Variants in MARCHF7 observed in about 807,000 individuals in gnomAD.
MARCHF7 encodes the protein E3 ubiquitin-protein ligase MARCHF7.
Under a neutral mutation model 76.5 loss-of-function variants are expected in MARCHF7, and 20 were observed. The ratio of observed to expected loss-of-function variants is 0.26; its 90% confidence interval spans 0.18 to 0.38. The LOEUF (loss-of-function observed/expected upper bound fraction) is 0.38. MARCHF7 is among the 10% of genes least tolerant of loss of function. The pLI, the probability that MARCHF7 is intolerant of heterozygous loss-of-function variation, is 1.00. For missense variants in MARCHF7, 797 were observed against 812.9 expected (o/e 0.98, Z 0.24); for synonymous variants, 295 against 293.0 (o/e 1.01, Z -0.07).
At chr2:159,747,302 G>C (rs912231809) in intron 6 of MARCHF7, among the ~76,000 whole-genome samples, 15 of 152,028 alleles carry the variant, frequency 9.9e-5, no homozygotes, top group African/African-American at 3.4e-4. Context: ...AAAATTTTTA[G>C]CTATTAGCAA....
At chr2:159,729,284 A>G (rs1441151794) in intron 4 of MARCHF7, 109 bp downstream of exon 4, 2 of 690,284 alleles carry the variant, frequency 2.9e-6, no homozygotes, top group Non-Finnish European at 4.4e-6. Flanking sequence ...GCATCCTGTA[A>G]TCAAAACCAA....
chr2:159,763,200 GAGAA>G (rs1707322074), intron 10 of MARCHF7, among the ~76,000 whole-genome samples: 1 of 152,116 alleles, frequency 6.6e-6, no homozygotes, highest in Non-Finnish European at 1.5e-5. Flanking sequence ...AGTTATTTTA[GAGAA>G]AGAAGTAATT....
rs187284884 is a variant in MARCHF7 at position 159,719,427 on chromosome 2, A to G, written c.-15+3661A>G. Among the ~76,000 whole-genome samples, 5 of 151,620 alleles carry G rather than the reference A, an allele frequency of 3.3e-5. No homozygotes were observed. In the East Asian group the frequency reaches 9.7e-4, roughly 29 times the overall value. ...ACTCCCAATCCCCTGAAAGAAAAACAGTAAAATGTTTGTTCTTCATCAGTA... is the reference window on the plus strand; with the variant it reads ...ACTCCCAATCCCCTGAAAGAAAAACGGTAAAATGTTTGTTCTTCATCAGTA... On this transcript the variant is annotated intron_variant, in intron 3 of 11. Coordinates refer to ENST00000409175, the MANE Select transcript of MARCHF7 (RefSeq NM_001282805.2).
At position 159,770,019 on chromosome 2, in the gene MARCHF7, C is replaced by T. The variant is rs917943457; in HGVS notation, c.*2677C>T. The T allele has an allele frequency of 2.0e-5, 3 of 152,140 alleles. No individual in the cohort carries two copies. Among genetic ancestry groups the T allele is most frequent in the African/African-American group, 4.8e-5 (2 of 41,426 alleles). 9.4% of individuals were successfully genotyped at this position (152,140 alleles called of 1,614,324 possible). ...GCTCATTGGACATTGTAGTTGTAGA[C>T]GTTTGAGACTGTTGGTTTTAAGTTG... On this transcript the variant is annotated 3_prime_UTR_variant, in exon 12 of 12. Transcript: ENST00000409175.
chr2:159,733,215 T>A lies in MARCHF7; in HGVS notation c.153+4040T>A, dbSNP rs964479556. The A allele has an allele frequency of 6.9e-6, 6 of 868,984 alleles. No homozygotes were observed. The African/African-American group carries it at 1.1e-4, about 16-fold the overall frequency. 53.8% of individuals were successfully genotyped at this position (868,984 alleles called of 1,614,324 possible). On this transcript the variant is annotated intron_variant, in intron 4 of 11. Transcript: ENST00000409175. ...TTAGTTTTATTTAGCATTGTTAAGA[T>A]TACTCAGTGTCAAAGGGAGCATTTT...
At chr2:159,732,066 T>C (rs1249870422) in intron 4 of MARCHF7, among the ~76,000 whole-genome samples, 1 of 151,980 alleles carries the variant, frequency 6.6e-6, no homozygotes, top group Non-Finnish European at 1.5e-5. Flanking sequence ...ATCACGCCAC[T>C]GCACTCTAGC....
intron 4 of MARCHF7, among the ~76,000 whole-genome samples, chr2:159,730,703 G>A (rs1171803621): frequency 6.6e-6 from 1 of 152,156 alleles, no homozygotes; most frequent in Non-Finnish European, 1.5e-5. Flanking sequence ...AAAGGGCACA[G>A]AATTGTGTTT....
intron 3 of MARCHF7, among the ~76,000 whole-genome samples, chr2:159,728,098 A>G (rs1056967586): frequency 6.6e-5 from 10 of 152,216 alleles, no homozygotes; most frequent in Admixed American, 1.3e-4. Flanking sequence ...CTTTGAAAAC[A>G]TTTTGAGAAA....
intron 4 of MARCHF7, among the ~76,000 whole-genome samples, chr2:159,739,608 C>T (rs1703890646): frequency 6.6e-6 from 1 of 152,128 alleles, no homozygotes; most frequent in Non-Finnish European, 1.5e-5. Context: ...AGAGATAATA[C>T]ATTGTTAAAT....
chr2:159,733,042 A>T, intron 4 of MARCHF7: 1 of 613,018 alleles, frequency 1.6e-6, no homozygotes. Context: ...ATAATTATTT[A>T]TAATTGTTAT....
At chr2:159,750,097 G>A (rs1199459995) in intron 7 of MARCHF7, among the ~76,000 whole-genome samples, 1 of 152,070 alleles carries the variant, frequency 6.6e-6, no homozygotes, top group Admixed American at 6.5e-5. Flanking sequence ...GTAGAGACAG[G>A]GTCTCGCTTT....
At chr2:159,722,018 C>T (rs1173813134) in intron 3 of MARCHF7, among the ~76,000 whole-genome samples, 1 of 152,138 alleles carries the variant, frequency 6.6e-6, no homozygotes, top group South Asian at 2.1e-4. Flanking sequence ...TTTCATTGAC[C>T]ATTGAGGAAA....
intron 11 of MARCHF7, among the ~76,000 whole-genome samples, chr2:159,766,091 CCATACTCAAATAAG>C (rs1312171718): frequency 6.6e-6 from 1 of 152,064 alleles, no homozygotes; most frequent in East Asian, 1.9e-4. Flanking sequence ...TGAAATATGT[CCATACTCAAATAAG>C]CATGAAAGAC....
intron 1 of MARCHF7, 192 bp downstream of exon 1, chr2:159,712,798 G>GTCCGGGGCC: frequency 6.5e-6 from 1 of 152,734 alleles, no homozygotes; most frequent in South Asian, 2.1e-4. Context: ...GAGAAGCTTG[G>GTCCGGGGCC]TCCGGGGCCA....
At chr2:159,767,214 C>T (rs768804250) in intron 11 of MARCHF7, 70 bp from the exon 12 acceptor site, 25 of 1,095,250 alleles carry the variant, frequency 2.3e-5, no homozygotes, top group Non-Finnish European at 2.9e-5. Context: ...GCTGTTCTGG[C>T]TTCATATTTA....
intron 8 of MARCHF7, among the ~76,000 whole-genome samples, chr2:159,753,346 C>T (rs936500537): frequency 2.6e-5 from 4 of 151,736 alleles, no homozygotes; most frequent in Admixed American, 6.6e-5. Context: ...CCGAGACGGG[C>T]GGATCACGAG....
intron 6 of MARCHF7, 24 bp downstream of exon 6, chr2:159,745,961 T>G (rs529667953): frequency 6.3e-7 from 1 of 1,580,226 alleles, no homozygotes; most frequent in African/African-American, 1.4e-5. Context: ...ACATCAAGTA[T>G]AACTTCTCAT....
At chr2:159,719,749 A>AT (rs925923559) in intron 3 of MARCHF7, among the ~76,000 whole-genome samples, 59 of 151,854 alleles carry the variant, frequency 3.9e-4, no homozygotes, top group African/African-American at 1.3e-3. Flanking sequence ...TAATGGGGTG[A>AT]TTTTTTTTCC....
At position 159,748,731 on chromosome 2, in the gene MARCHF7, G is replaced by C; in HGVS notation, c.1441G>C (p.Gly481Arg). 1 of 1,614,098 alleles carries C rather than the reference G, an allele frequency of 6.2e-7. No individual in the cohort carries two copies. The highest frequency in any genetic ancestry group is 1.6e-4 in the Middle Eastern group (1 of 6,062). ...RNTGISGILP[G>R]SLFRFAVPPA... is the part of the protein sequence containing the mutation. ...TACAGGAATATCAGGGATTCTTCCT[G>C]GTTCCTTATTCCGGTTTGCAGTCCC... The change falls in exon 7 of 12, where the codon GGT becomes CGT. Residue 481 changes from glycine (G) to arginine (R), a missense_variant. Coordinates refer to ENST00000409175, the MANE Select transcript of MARCHF7 (RefSeq NM_001282805.2).
Sources: allele counts gnomAD v4.1 joint callset (sites outside exome capture counted in the v4.1 genomes callset), GRCh38; gene constraint gnomAD v4.1.1; transcripts MANE v1.5; gene names NCBI Gene and HGNC (gene_info 2026-07-23, HGNC 2026-07-21).